CFI: variants seen among roughly 807,000 people sequenced by gnomAD.
CFI encodes the protein complement factor I, also known as C3B/C4B inactivator.
A neutral mutation model predicts 78.8 loss-of-function variants in CFI; 66 were observed. The ratio of observed to expected loss-of-function variants is 0.84; its 90% CI spans 0.69 to 1.03. The LOEUF is 1.03. Among genes scored for constraint, CFI ranks in the 50% least tolerant of loss-of-function variants. The probability of loss-of-function intolerance (pLI) is 0.00; values close to 1 mark genes in which losing one functional copy is unlikely to be tolerated. For synonymous variants in CFI, 250 were observed against 232.6 expected (o/e 1.07, Z -0.68); for missense variants, 706 against 704.5 (o/e 1.00, Z -0.02).
chr4:109,753,528 A>AT, intron 7 of CFI, among the ~76,000 whole-genome samples: 1 of 24,198 alleles, frequency 4.1e-5, no homozygotes, highest in African/African-American at 1.2e-4. Flanking sequence ...AAATATTTAT[A>AT]ATAAATATTT....
intron 4 of CFI, 25 bp downstream of exon 4, chr4:109,761,492 A>G: frequency 6.2e-7 from 1 of 1,612,098 alleles, no homozygotes; most frequent in Non-Finnish European, 8.5e-7. Context: ...AGGAAGGGAA[A>G]ATAACAGGCA....
chr4:109,798,159 T>C (rs1048077801), intron 1 of CFI, among the ~76,000 whole-genome samples: 3 of 152,106 alleles, frequency 2.0e-5, no homozygotes, highest in African/African-American at 7.2e-5. Flanking sequence ...GAGAGTGGGA[T>C]GGTGGTTGCC....
At chr4:109,773,261 C>T (rs570356059) in intron 1 of CFI, among the ~76,000 whole-genome samples, 4 of 152,308 alleles carry the variant, frequency 2.6e-5, no homozygotes, top group Admixed American at 1.3e-4. Flanking sequence ...GGCGCAGTGG[C>T]TTACGCCTGT....
rs552434251 is a variant in CFI at position 109,756,898 on chromosome 4, A to G, written c.904+865T>C. On this transcript the variant is annotated intron_variant, in intron 7 of 12. Coordinates refer to ENST00000394634, the MANE Select transcript of CFI (RefSeq NM_000204.5). Reference sequence around the variant, plus strand: ...AAAGAAAGAAAGAAAGGAAAGAAAGAAAGAAAGAAAGAAAGAAAGAAAGAA... The same window carrying G: ...AAAGAAAGAAAGAAAGGAAAGAAAGGAAGAAAGAAAGAAAGAAAGAAAGAA... 2.6e-3 allele frequency among the ~76,000 whole-genome samples: 106 copies of G among 41,556 alleles called. 2 individuals are homozygous for G. Among genetic ancestry groups the G allele is most frequent in the African/African-American group, 8.5e-3 (100 of 11,808 alleles). 27.3% of individuals were successfully genotyped at this position (41,556 alleles called of 152,430 possible). A position where few individuals can be genotyped will look rare whatever the true frequency, so the allele number is the denominator to read the frequency against.
At chr4:109,781,663 G>A (rs1443239647) in intron 1 of CFI, among the ~76,000 whole-genome samples, 2 of 152,128 alleles carry the variant, frequency 1.3e-5, no homozygotes, top group East Asian at 3.8e-4. Flanking sequence ...ATTCTGTGAA[G>A]CCAGCATCAC....
chr4:109,778,645 T>A (rs531062430), intron 1 of CFI, among the ~76,000 whole-genome samples: 1 of 152,110 alleles, frequency 6.6e-6, no homozygotes, highest in Non-Finnish European at 1.5e-5. Flanking sequence ...GCCAACATCA[T>A]CCTGATACCA....
At chr4:109,746,746 A>C (rs1252134719) in intron 10 of CFI, among the ~76,000 whole-genome samples, 1 of 152,216 alleles carries the variant, frequency 6.6e-6, no homozygotes, top group East Asian at 1.9e-4. Flanking sequence ...AGAACACATT[A>C]ACAACTAGAG....
At chr4:109,785,709 C>T (rs1000753605) in intron 1 of CFI, among the ~76,000 whole-genome samples, 6 of 152,080 alleles carry the variant, frequency 3.9e-5, no homozygotes, top group African/African-American at 1.4e-4. Flanking sequence ...CCCCATAATT[C>T]TGTGTCAAGG....
At chr4:109,759,301 G>C (rs1203446065) in intron 6 of CFI, among the ~76,000 whole-genome samples, 2 of 151,670 alleles carry the variant, frequency 1.3e-5, no homozygotes, top group East Asian at 3.9e-4. Context: ...GGGTAGGGAG[G>C]TGGGGAAGAT....
intron 1 of CFI, among the ~76,000 whole-genome samples, chr4:109,781,508 G>C (rs1020351409): frequency 6.6e-6 from 1 of 151,980 alleles, no homozygotes; most frequent in Admixed American, 6.6e-5. Flanking sequence ...ATATTGAAAT[G>C]GTAATTAAAA....
At chr4:109,756,933 GA>G (rs1316300555) in intron 7 of CFI, among the ~76,000 whole-genome samples, 1 of 146,492 alleles carries the variant, frequency 6.8e-6, no homozygotes, top group Non-Finnish European at 1.5e-5. Flanking sequence ...AAGAAAGAAA[GA>G]AAGAAAGAAA....
At chr4:109,755,237 C>T (rs1270671610) in intron 7 of CFI, among the ~76,000 whole-genome samples, 1 of 152,098 alleles carries the variant, frequency 6.6e-6, no homozygotes, top group African/African-American at 2.4e-5. Context: ...ATAAACAATG[C>T]CATCACTTGA....
At chr4:109,800,267 G>A (rs1481576401) in intron 1 of CFI, among the ~76,000 whole-genome samples, 4 of 145,868 alleles carry the variant, frequency 2.7e-5, no homozygotes, top group Non-Finnish European at 4.5e-5. Flanking sequence ...TGGTGATTAC[G>A]TCACAGCACA....
intron 1 of CFI, among the ~76,000 whole-genome samples, chr4:109,774,622 C>T (rs1728991966): frequency 6.6e-6 from 1 of 152,118 alleles, no homozygotes; most frequent in African/African-American, 2.4e-5. Flanking sequence ...TAAAGACTGG[C>T]TTATACTCTG....
At chr4:109,751,885 A>G (rs1262459649) in intron 8 of CFI, among the ~76,000 whole-genome samples, 1 of 152,160 alleles carries the variant, frequency 6.6e-6, no homozygotes, top group Non-Finnish European at 1.5e-5. Flanking sequence ...TTTGAGGTTG[A>G]GTTACTCTCT....
At chr4:109,748,001 A>C (rs1475146401) in intron 10 of CFI, among the ~76,000 whole-genome samples, 1 of 152,190 alleles carries the variant, frequency 6.6e-6, no homozygotes, top group Non-Finnish European at 1.5e-5. Context: ...AGTTCCTAAC[A>C]GGCCACAGAT....
At chr4:109,758,055 A>C in intron 6 of CFI, 1 of 903,818 alleles carries the variant, frequency 1.1e-6, no homozygotes, top group Non-Finnish European at 1.6e-6. Context: ...AGTACAACTT[A>C]ATAGTTAGAA....
intron 1 of CFI, among the ~76,000 whole-genome samples, chr4:109,774,823 CCTTTCTTCTGCTGGGTTTGCATATAG>C: frequency 6.6e-6 from 1 of 152,130 alleles, no homozygotes; most frequent in African/African-American, 2.4e-5. Context: ...TTGGTTACTT[CCTTTCTTCTGCTGGGTTTGCATATAG>C]TTTGTTCTTA....
chr4:109,748,246 T>C (rs144323652), intron 10 of CFI, among the ~76,000 whole-genome samples: 44 of 152,322 alleles, frequency 2.9e-4, no homozygotes, highest in African/African-American at 1.1e-3. Flanking sequence ...AGGTTGTAAA[T>C]ATTATTTATT....
Sources: allele counts gnomAD v4.1 joint callset (sites outside exome capture counted in the v4.1 genomes callset), GRCh38; gene constraint gnomAD v4.1.1; transcripts MANE v1.5; gene names NCBI Gene and HGNC (gene_info 2026-07-23, HGNC 2026-07-21).